The following TGM3 variants were observed in gnomAD, a reference collection of about 807,000 sequenced individuals.
TGM3 encodes the protein protein-glutamine gamma-glutamyltransferase E.
TGM3 carries 52 observed loss-of-function variants against 73.8 expected under a neutral mutation model. The observed-to-expected ratio is 0.70, with a 90% CI of 0.56 to 0.89. The LOEUF (loss-of-function observed/expected upper bound fraction) is 0.89. TGM3 is among the 40% of genes least tolerant of loss of function. The probability of loss-of-function intolerance (pLI) is 0.00; values close to 1 mark genes in which losing one functional copy is unlikely to be tolerated. For synonymous variants in TGM3, 372 were observed against 354.9 expected (o/e 1.05, Z -0.54); for missense variants, 928 against 909.9 (o/e 1.02, Z -0.26).
At chr20:2,303,462 C>T (rs2084161996) in intron 1 of TGM3, among the ~76,000 whole-genome samples, 1 of 151,916 alleles carries the variant, frequency 6.6e-6, no homozygotes, top group South Asian at 2.1e-4. Context: ...AAAGCTCTGC[C>T]ACTAGATAGT....
At chr20:2,310,111 G>A in intron 2 of TGM3, 67 bp from the exon 3 acceptor site, 4 of 1,592,130 alleles carry the variant, frequency 2.5e-6, no homozygotes, top group Non-Finnish European at 3.4e-6. Flanking sequence ...GGGTTGTATT[G>A]GAACCTGGTC....
intron 4 of TGM3, 35 bp downstream of exon 4, chr20:2,311,164 C>A: frequency 6.4e-7 from 1 of 1,554,658 alleles, no homozygotes; most frequent in Non-Finnish European, 8.9e-7. Flanking sequence ...GGGTAATGTC[C>A]CTGTTACCCA....
At chr20:2,338,742 C>T (rs544687242) in intron 11 of TGM3, among the ~76,000 whole-genome samples, 6 of 152,334 alleles carry the variant, frequency 3.9e-5, no homozygotes, top group South Asian at 4.1e-4. Context: ...CAGCAACCTC[C>T]GGTCATCCTC....
At position 2,327,242 on chromosome 20, in the gene TGM3, G is replaced by C. The variant is rs552423722; in HGVS notation, c.1088-878G>C. ...TCCCAGCACTTTGGGAGGCCGAGGT[G>C]GGTGGATCACGAGGTCAGGAGATCG... On this transcript the variant is annotated intron_variant, in intron 8 of 12. Coordinates refer to ENST00000381458, the MANE Select transcript of TGM3 (RefSeq NM_003245.4). Among the ~76,000 whole-genome samples, 3 of 152,196 alleles carry C rather than the reference G, an allele frequency of 2.0e-5. No homozygotes were observed. The South Asian group carries it at 6.2e-4, about 32-fold the overall frequency.
chr20:2,311,269 A>G (rs962015087), intron 4 of TGM3, 140 bp downstream of exon 4: 6 of 694,172 alleles, frequency 8.6e-6, no homozygotes, highest in Middle Eastern at 4.0e-4. Context: ...GAAGACTTTC[A>G]TTGGCCACCT....
intron 3 of TGM3, among the ~76,000 whole-genome samples, 166 bp from the exon 4 acceptor site, chr20:2,310,845 T>C (rs1008364565): frequency 7.9e-5 from 12 of 152,154 alleles, no homozygotes; most frequent in African/African-American, 2.7e-4. Flanking sequence ...AGCTCATAGT[T>C]CCCACAATTG....
At chr20:2,316,980 C>T (rs2122227428) in intron 5 of TGM3, 88 bp from the exon 6 acceptor site, 1 of 1,490,198 alleles carries the variant, frequency 6.7e-7, no homozygotes, top group Non-Finnish European at 9.2e-7. Flanking sequence ...TTCCTCATCT[C>T]CCCACCTTGT....
chr20:2,323,514 T>C (rs560590187), intron 7 of TGM3, among the ~76,000 whole-genome samples: 2 of 152,374 alleles, frequency 1.3e-5, no homozygotes, highest in African/African-American at 4.8e-5. Flanking sequence ...GGTGGACACC[T>C]TTAGATATAC....
At position 2,299,145 on chromosome 20, in the gene TGM3, C is replaced by T. The variant is rs550701584; in HGVS notation, c.7+3075C>T. On this transcript the variant is annotated intron_variant, in intron 1 of 12. Coordinates refer to ENST00000381458, the MANE Select transcript of TGM3 (RefSeq NM_003245.4). ...GAGTGGTCTTGGGCAGGTCACTTAA[C>T]TTGTGTGTCTCAGTTTCCTCATCTC... Among the ~76,000 whole-genome samples the T allele has an allele frequency of 3.9e-5, 6 of 152,238 alleles. No individual in the cohort carries two copies. The South Asian group carries it at 6.2e-4, about 16-fold the overall frequency.
intron 3 of TGM3, 42 bp from the exon 4 acceptor site, chr20:2,310,969 C>A (rs367720299): frequency 1.3e-6 from 2 of 1,563,144 alleles, no homozygotes; most frequent in Non-Finnish European, 1.8e-6. Context: ...TACAGTCCTC[C>A]GAGGATTCTA....
intron 7 of TGM3, among the ~76,000 whole-genome samples, chr20:2,317,943 C>CATATATAT (rs61329150): frequency 8.3e-5 from 3 of 36,192 alleles, no homozygotes; most frequent in African/African-American, 1.4e-4. Flanking sequence ...ATATATATAT[C>CATATATAT]ATATATATAT....
intron 7 of TGM3, among the ~76,000 whole-genome samples, chr20:2,324,047 G>A (rs1043108426): frequency 6.6e-6 from 1 of 151,586 alleles, no homozygotes; most frequent in African/African-American, 2.4e-5. Flanking sequence ...CTGCTTTATT[G>A]ATTTTTTTCA....
At chr20:2,308,498 T>C (rs1428289725) in intron 1 of TGM3, among the ~76,000 whole-genome samples, 1 of 152,236 alleles carries the variant, frequency 6.6e-6, no homozygotes, top group African/African-American at 2.4e-5. Flanking sequence ...AGCTCCGTCA[T>C]CTTCACAACC....
At chr20:2,302,862 A>C (rs564592116) in intron 1 of TGM3, among the ~76,000 whole-genome samples, 1 of 152,222 alleles carries the variant, frequency 6.6e-6, no homozygotes. Flanking sequence ...GAATATTCAT[A>C]TAATAGACTC....
rs750475648 is a variant in TGM3, at chr20:2,328,365, G to A, written c.1333G>A (p.Gly445Ser). 1.2e-6 allele frequency: 2 copies of A among 1,613,988 alleles called. No individual in the cohort carries two copies. Among genetic ancestry groups the A allele is most frequent in the Non-Finnish European group, 1.7e-6 (2 of 1,179,896 alleles). Residue 445 changes from glycine (G) to serine (S), a missense_variant and splice_region_variant, in exon 9 of 13, where the codon GGC becomes AGC. Transcript: ENST00000381458. The surrounding 1 kb of genome is among the most constrained non-coding windows in gnomAD (Gnocchi z 5.2). ...DVTDKYKYPE[G>S]SDQERQVFQK... Reference sequence around the variant, plus strand: ...CACGGACAAGTACAAGTACCCAGAAGGTAGGAGGGACGCTGGCGGGGCAGT... The same window carrying A: ...CACGGACAAGTACAAGTACCCAGAAAGTAGGAGGGACGCTGGCGGGGCAGT...
chr20:2,302,714 T>TAAAAAAAAAAAAAA (rs56347560), intron 1 of TGM3, among the ~76,000 whole-genome samples: 158 of 105,138 alleles, frequency 1.5e-3, no homozygotes, highest in African/African-American at 3.8e-3. Context: ...AGAGGTTTTC[T>TAAAAAAAAAAAAAA]AAAAAAAAAA....
At position 2,317,183 on chromosome 20, in the gene TGM3, A is replaced by T. The variant is rs767758825; in HGVS notation, c.785A>T (p.Lys262Ile). ...GSVEILKNWK[K>I]SGFSPVRYGQ... ...GTGGAGATCCTCAAAAATTGGAAAA[A>T]ATCTGGCTTCAGCCCAGTCCGATAT... Residue 262 changes from lysine to isoleucine, a missense_variant, in exon 6 of 13, where the codon AAA becomes ATA. Physicochemically the swap from Lys to Ile is moderately radical, Grantham distance 102. Transcript: ENST00000381458. 2 of 1,614,156 alleles carry T rather than the reference A, an allele frequency of 1.2e-6. No individual in the cohort carries two copies. Among genetic ancestry groups the T allele is most frequent in the South Asian group, 2.2e-5 (2 of 91,074 alleles).
intron 11 of TGM3, among the ~76,000 whole-genome samples, chr20:2,335,483 T>C (rs1217799711): frequency 6.6e-6 from 1 of 152,232 alleles, no homozygotes; most frequent in Non-Finnish European, 1.5e-5. Context: ...CTGCTCCCTG[T>C]CTGGTGAGAT....
Position 2,334,737 on chromosome 20 carries a change from A to G in TGM3, c.1643-379A>G, listed in dbSNP as rs2084339039. 6.6e-6 allele frequency among the ~76,000 whole-genome samples: 1 copy of G among 152,144 alleles called. No homozygotes were observed. Among genetic ancestry groups the G allele is most frequent in the East Asian group, 1.9e-4 (1 of 5,184 alleles). On this transcript the variant is annotated intron_variant, in intron 10 of 12. Transcript: ENST00000381458. The surrounding 1 kb of genome is among the most constrained non-coding windows in gnomAD (Gnocchi z 4.0). ...GGCGGGAGGATCCCTTGAGTCCAGG[A>G]GTTTGAGACCAGCCTGGACAACATA...
Sources: allele counts gnomAD v4.1 joint callset (sites outside exome capture counted in the v4.1 genomes callset), GRCh38; gene constraint gnomAD v4.1.1; non-coding constraint Gnocchi (gnomAD v3.1); transcripts MANE v1.5; gene names NCBI Gene and HGNC (gene_info 2026-07-23, HGNC 2026-07-21).